Variants in IGSF5 observed in about 807,000 individuals in gnomAD.
IGSF5 encodes immunoglobulin superfamily member 5.
In IGSF5, 41 loss-of-function variants were observed where a neutral mutation model predicts 39.4. That is an observed-to-expected ratio of 1.04 (90% CI 0.81 to 1.35). The LOEUF (loss-of-function observed/expected upper bound fraction) is 1.35, where lower values mean the gene tolerates loss of function less well. Among genes scored for constraint, IGSF5 ranks in the 40% most tolerant of loss-of-function variants. The pLI, the probability that IGSF5 is intolerant of heterozygous loss-of-function variation, is 0.00. For missense variants in IGSF5, 487 were observed against 494.6 expected, an observed-to-expected ratio of 0.98 and a Z score of 0.15; for synonymous variants, 183 against 175.3, an observed-to-expected ratio of 1.04 and a Z score of -0.34.
the IGSF5 span, among the ~76,000 whole-genome samples, chr21:39,735,939 T>C: frequency 6.6e-6 from 1 of 152,200 alleles, no homozygotes; most frequent in African/African-American, 2.4e-5. Context: ...TTTCAACTTC[T>C]TTTTACAATT....
intron 5 of IGSF5, among the ~76,000 whole-genome samples, chr21:39,780,726 A>C (rs1157657): frequency 5.9e-5 from 9 of 152,142 alleles, no homozygotes; most frequent in Admixed American, 5.9e-4. Context: ...GTTGGGATCA[A>C]TGGTGAGGTG....
chr21:39,792,920 T>C lies in IGSF5; in HGVS notation c.1049-614T>C, dbSNP rs151208042. Among the ~76,000 whole-genome samples, 473 of 152,294 alleles carry C rather than the reference T, an allele frequency of 3.1e-3. 2 individuals carry two copies. Among genetic ancestry groups the C allele is most frequent in the African/African-American group, 0.011 (445 of 41,578 alleles). On this transcript the variant is annotated intron_variant, in intron 7 of 8. Transcript: ENST00000380588. The stretch of plus-strand genomic sequence containing the variant: ...AGGCTGCTGGGAACACCAAATTCCA[T>C]GGGAAGGTTTTCAGCCAATCAGTCC...
rs1332168087 is a variant in IGSF5 at position 39,790,912 on chromosome 21, T to C, written c.957-1096T>C. 2.0e-5 allele frequency among the ~76,000 whole-genome samples: 3 copies of C among 152,338 alleles called. No homozygotes were observed. The East Asian group carries it at 5.8e-4, about 29-fold the overall frequency. On this transcript the variant is annotated intron_variant, in intron 6 of 8. Transcript: ENST00000380588. The stretch of plus-strand genomic sequence containing the variant: ...AACTATTTGCATAGCATTTACATTG[T>C]ATTAGGTATTATAAATAATCTGGGC...
chr21:39,727,910 CT>C, the IGSF5 span: 1 of 152,206 alleles, frequency 6.6e-6, no homozygotes. Flanking sequence ...CAAGGTTTTA[CT>C]TTCTTCATCA....
chr21:39,747,625 C>G (rs146833928), intron 2 of IGSF5, among the ~76,000 whole-genome samples: 1 of 152,226 alleles, frequency 6.6e-6, no homozygotes, highest in Non-Finnish European at 1.5e-5. Flanking sequence ...CAGAACCAGG[C>G]AAGAGACCAC....
chr21:39,740,088 C>T, the IGSF5 span, among the ~76,000 whole-genome samples: 13 of 152,114 alleles, frequency 8.5e-5, no homozygotes, highest in Non-Finnish European at 1.6e-4. Context: ...TTTCCTTGTT[C>T]GGTGGCTTGC....
At position 39,779,235 on chromosome 21, in the gene IGSF5, C is replaced by G; in HGVS notation, c.864C>G (p.Cys288Trp). 5.0e-6 allele frequency: 8 copies of G among 1,613,876 alleles called. No individual in the cohort carries two copies. The highest frequency in any genetic ancestry group is 5.9e-6 in the Non-Finnish European group (7 of 1,179,882). The change falls in exon 5 of 9, where the codon TGC becomes TGG. Residue 288 changes from cysteine (C) to tryptophan (W), a missense_variant. Transcript: ENST00000380588. Reference sequence around the variant, plus strand: ...CGTGTACTCTTACAATACGCTGCTGCTGCTGCCGCCGTCGTTGTTGTGGCT... The same window carrying G: ...CGTGTACTCTTACAATACGCTGCTGGTGCTGCCGCCGTCGTTGTTGTGGCT... ...TPTCTLTIRC[C>W]CCRRRCCGCN... is the part of the protein sequence containing the mutation.
In IGSF5 at chr21:39,788,235, T is replaced by C. The variant is rs372177091; in HGVS notation, c.956+47T>C. The C allele has an allele frequency of 5.1e-6, 7 of 1,369,662 alleles. No homozygotes were observed. The African/African-American group carries it at 1.0e-4, about 20-fold the overall frequency. 84.8% of individuals were successfully genotyped at this position (1,369,662 alleles called of 1,614,324 possible). On this transcript the variant is annotated intron_variant, in intron 6 of 8. Coordinates refer to ENST00000380588, the MANE Select transcript of IGSF5 (RefSeq NM_001080444.2). ...TTTTCTGAAAACAAAACAAAAAAAA[T>C]TGAACAACAACAATAATAACAACAA...
intron 2 of IGSF5, among the ~76,000 whole-genome samples, chr21:39,755,582 A>G (rs12627581): frequency 0.82 from 120,592 of 147,670 alleles, 49,425 homozygotes; most frequent in Admixed American, 0.86. Context: ...GCGAGACTCC[A>G]TCTCAAAAAA....
At chr21:39,750,216 C>T (rs550766975) in intron 2 of IGSF5, among the ~76,000 whole-genome samples, 21 of 152,294 alleles carry the variant, frequency 1.4e-4, no homozygotes, top group East Asian at 1.4e-3. Flanking sequence ...GAGCATTCTT[C>T]GCCTCCCCTG....
At chr21:39,734,220 C>T in the IGSF5 span, among the ~76,000 whole-genome samples, 4 of 152,022 alleles carry the variant, frequency 2.6e-5, no homozygotes, top group Admixed American at 1.3e-4. Flanking sequence ...GTCAGGAGTT[C>T]GAGACCAGCC....
At chr21:39,733,374 T>G in the IGSF5 span, among the ~76,000 whole-genome samples, 5 of 152,158 alleles carry the variant, frequency 3.3e-5, no homozygotes, top group Admixed American at 6.5e-5. Flanking sequence ...TATATACAAA[T>G]TATATTCTAC....
rs377322828 is a variant in IGSF5 at position 39,792,002 on chromosome 21, T to C, written c.957-6T>C. 2.4e-5 allele frequency: 38 copies of C among 1,591,796 alleles called. No individual in the cohort carries two copies. The highest frequency in any genetic ancestry group is 3.2e-5 in the Non-Finnish European group (37 of 1,164,058). On this transcript the variant is annotated splice_region_variant and splice_polypyrimidine_tract_variant and intron_variant, in intron 6 of 8. Transcript: ENST00000380588. ...TTAACATGAACATAAAATGGTCTAATTGTAGGAAATCTGAAAAAGAGAAGA... is the reference window on the plus strand; with the variant it reads ...TTAACATGAACATAAAATGGTCTAACTGTAGGAAATCTGAAAAAGAGAAGA...
intron 8 of IGSF5, among the ~76,000 whole-genome samples, chr21:39,799,761 A>G (rs1026128755): frequency 2.0e-5 from 3 of 152,012 alleles, no homozygotes; most frequent in Non-Finnish European, 4.4e-5. Flanking sequence ...TACCAGGGAC[A>G]CTCTTAATTA....
intron 4 of IGSF5, among the ~76,000 whole-genome samples, chr21:39,772,079 A>T (rs2837202): frequency 0.51 from 77,804 of 152,020 alleles, 20,671 homozygotes; most frequent in East Asian, 0.9. Flanking sequence ...CCAAAGCCAA[A>T]TAATGATGGT....
At chr21:39,723,544 A>AC in the IGSF5 span, among the ~76,000 whole-genome samples, 20 of 152,334 alleles carry the variant, frequency 1.3e-4, no homozygotes, top group African/African-American at 4.8e-4. Flanking sequence ...GATTACTGAG[A>AC]CCATCTGAGA....
intron 8 of IGSF5, among the ~76,000 whole-genome samples, chr21:39,798,283 C>T (rs2087008859): frequency 6.6e-6 from 1 of 152,190 alleles, no homozygotes; most frequent in African/African-American, 2.4e-5. Flanking sequence ...TCCATAACTT[C>T]ACCCTGCACG....
At chr21:39,717,103 A>C in the IGSF5 span, among the ~76,000 whole-genome samples, 1 of 152,032 alleles carries the variant, frequency 6.6e-6, no homozygotes, top group African/African-American at 2.4e-5. Context: ...ATGATCAGTG[A>C]TATTGAGCTT....
At chr21:39,779,926 G>A (rs916808338) in intron 5 of IGSF5, among the ~76,000 whole-genome samples, 5 of 152,126 alleles carry the variant, frequency 3.3e-5, no homozygotes, top group Non-Finnish European at 4.4e-5. Context: ...GATGTTGGTC[G>A]AAGGGTACAA....
Sources: allele counts gnomAD v4.1 joint callset (sites outside exome capture counted in the v4.1 genomes callset), GRCh38; gene constraint gnomAD v4.1.1; transcripts MANE v1.5; gene names NCBI Gene and HGNC (gene_info 2026-07-23, HGNC 2026-07-21).